The following ANKRD44 variants were observed in gnomAD, a reference collection of about 807,000 sequenced individuals.
ANKRD44 encodes the protein serine/threonine-protein phosphatase 6 regulatory ankyrin repeat subunit B.
ANKRD44 carries 35 observed loss-of-function variants against 116.0 expected under a neutral mutation model. That is an observed-to-expected ratio of 0.30 (90% confidence interval 0.23 to 0.40). ANKRD44 has a LOEUF of 0.40. Among genes scored for constraint, ANKRD44 ranks in the 10% least tolerant of loss-of-function variants. The pLI is 1.00. For synonymous variants in ANKRD44, 435 were observed against 461.8 expected, an observed-to-expected ratio of 0.94 and a Z score of 0.74; for missense variants, 1,014 against 1,242.6, an observed-to-expected ratio of 0.82 and a Z score of 2.77.
chr2:197,099,817 T>C lies in ANKRD44; in HGVS notation c.1099A>G (p.Lys367Glu). The C allele has an allele frequency of 6.2e-7, 1 of 1,613,926 alleles. No individual in the cohort carries two copies. Among genetic ancestry groups the C allele is most frequent in the Non-Finnish European group, 8.5e-7 (1 of 1,179,936 alleles). Residue 367 changes from lysine (K) to glutamate (E), a missense_variant and splice_region_variant, in exon 10 of 28, where the codon AAG becomes GAG. Lys to Glu is a moderately conservative substitution (Grantham distance 56). Coordinates refer to ENST00000282272, the MANE Select transcript of ANKRD44 (RefSeq NM_001195144.2). ...CACCGTATTTTTGCGGTAACCTACT[T>C]GGCTGTGTCAGCTCCGCTGGTTATT... Reference protein sequence around the residue: ...TLITSGADTAKCGIHSMFPLH... With the variant: ...TLITSGADTAECGIHSMFPLH...
rs936187348 is a variant in ANKRD44 at position 197,269,113 on chromosome 2, A to C, written c.27+41465T>G. On this transcript the variant is annotated intron_variant, in intron 1 of 27. Coordinates refer to ENST00000282272, the MANE Select transcript of ANKRD44 (RefSeq NM_001195144.2). ...TTTGTTTTTGATCTGGTTGCTACTC[A>C]TAGAGTGTATTCATGAAGATATATA... is the stretch of plus-strand genomic sequence containing the variant. Among the ~76,000 whole-genome samples the C allele has an allele frequency of 2.1e-5, 3 of 142,948 alleles. No individual in the cohort carries two copies. In the Admixed American group the frequency reaches 2.1e-4, roughly 10 times the overall value. 93.8% of individuals were successfully genotyped at this position (142,948 alleles called of 152,430 possible).
intron 1 of ANKRD44, among the ~76,000 whole-genome samples, chr2:197,272,940 A>G (rs1358901138): frequency 6.6e-6 from 1 of 152,260 alleles, no homozygotes; most frequent in Non-Finnish European, 1.5e-5. Flanking sequence ...TGGGTTATAA[A>G]TAACTATATA....
At chr2:197,232,191 T>C (rs1198647718) in intron 1 of ANKRD44, among the ~76,000 whole-genome samples, 1 of 152,188 alleles carries the variant, frequency 6.6e-6, no homozygotes, top group Non-Finnish European at 1.5e-5. Context: ...CCTTAGTAAG[T>C]GAGCTGATCA....
chr2:197,137,783 T>G (rs1259651438), intron 3 of ANKRD44, among the ~76,000 whole-genome samples: 1 of 152,232 alleles, frequency 6.6e-6, no homozygotes, highest in Non-Finnish European at 1.5e-5. Context: ...CTGTCAAAGT[T>G]GAGAGCCACT....
chr2:197,087,545 T>G (rs1269894669), intron 12 of ANKRD44, among the ~76,000 whole-genome samples: 1 of 152,208 alleles, frequency 6.6e-6, no homozygotes, highest in Non-Finnish European at 1.5e-5. Flanking sequence ...GTTCTAAACT[T>G]AGGATGCTAG....
intron 4 of ANKRD44, among the ~76,000 whole-genome samples, chr2:197,133,332 T>C (rs2079135763): frequency 6.6e-6 from 1 of 152,210 alleles, no homozygotes; most frequent in South Asian, 2.1e-4. Flanking sequence ...GCTTTTCCAC[T>C]GTAGACTCTG....
intron 2 of ANKRD44, among the ~76,000 whole-genome samples, chr2:197,151,656 A>G (rs2079655278): frequency 6.6e-6 from 1 of 152,238 alleles, no homozygotes; most frequent in South Asian, 2.1e-4. Flanking sequence ...CTAGACATAG[A>G]TATTTATTTA....
intron 1 of ANKRD44, among the ~76,000 whole-genome samples, chr2:197,273,960 CAAA>C (rs1158937486): frequency 6.0e-3 from 56 of 9,320 alleles, no homozygotes; most frequent in Admixed American, 7.7e-3. Flanking sequence ...CAACCAACCA[CAAA>C]AAAAAAAAAA....
At chr2:197,197,727 C>A (rs2080987011) in intron 1 of ANKRD44, among the ~76,000 whole-genome samples, 1 of 147,084 alleles carries the variant, frequency 6.8e-6, no homozygotes. Flanking sequence ...GGAGAACCAA[C>A]TGAGCCCAGG....
intron 3 of ANKRD44, among the ~76,000 whole-genome samples, chr2:197,138,231 C>A (rs1404714261): frequency 6.6e-6 from 1 of 152,220 alleles, no homozygotes; most frequent in Non-Finnish European, 1.5e-5. Context: ...CAAATCACCT[C>A]CAATGTCTCA....
intron 21 of ANKRD44, among the ~76,000 whole-genome samples, chr2:196,971,380 C>T (rs1033526689): frequency 5.3e-5 from 8 of 152,020 alleles, no homozygotes; most frequent in South Asian, 2.1e-4. Flanking sequence ...TTGTTTGAGA[C>T]GAGTCTCAGT....
intron 16 of ANKRD44, among the ~76,000 whole-genome samples, chr2:197,076,666 C>A (rs1232232033): frequency 1.3e-5 from 2 of 152,140 alleles, no homozygotes. Flanking sequence ...ACCCTCCACC[C>A]TTAAGTAGGC....
At chr2:197,015,645 T>G (rs1574279622) in intron 17 of ANKRD44, 2 of 558,670 alleles carry the variant, frequency 3.6e-6, no homozygotes, top group South Asian at 4.0e-5. Context: ...GTGAAGGTGG[T>G]GGCAGCAGAG....
intron 1 of ANKRD44, among the ~76,000 whole-genome samples, chr2:197,223,909 A>C (rs2081641180): frequency 6.6e-6 from 1 of 152,258 alleles, no homozygotes; most frequent in African/African-American, 2.4e-5. Flanking sequence ...ACAACTTTTA[A>C]GATATTTACT....
chr2:197,034,083 A>AGAGAGAGC (rs1410716481), intron 16 of ANKRD44, among the ~76,000 whole-genome samples: 2 of 151,732 alleles, frequency 1.3e-5, no homozygotes, highest in African/African-American at 2.4e-5. Flanking sequence ...AGAGAGAGAG[A>AGAGAGAGC]GAGCTCATAC....
intron 3 of ANKRD44, among the ~76,000 whole-genome samples, chr2:197,142,990 A>G (rs2079404610): frequency 1.3e-5 from 2 of 151,418 alleles, no homozygotes; most frequent in Admixed American, 1.3e-4. Context: ...GAAAAAAAAA[A>G]AAGTAAATTA....
intron 15 of ANKRD44, among the ~76,000 whole-genome samples, chr2:197,080,434 A>G (rs1183829373): frequency 1.3e-5 from 2 of 152,196 alleles, no homozygotes; most frequent in Non-Finnish European, 2.9e-5. Flanking sequence ...CCCTTTGCAT[A>G]GAAGAACTCT....
chr2:197,043,457 C>T (rs1406592536), intron 16 of ANKRD44, among the ~76,000 whole-genome samples: 1 of 152,168 alleles, frequency 6.6e-6, no homozygotes, highest in African/African-American at 2.4e-5. Flanking sequence ...ATCCTCCCAC[C>T]TCAGCCTCCC....
At chr2:197,243,672 T>C (rs2082134171) in intron 1 of ANKRD44, among the ~76,000 whole-genome samples, 1 of 152,214 alleles carries the variant, frequency 6.6e-6, no homozygotes, top group Admixed American at 6.5e-5. Context: ...AGATTTGATA[T>C]CTGGTGAAGG....
Sources: allele counts gnomAD v4.1 joint callset (sites outside exome capture counted in the v4.1 genomes callset), GRCh38; gene constraint gnomAD v4.1.1; transcripts MANE v1.5; gene names NCBI Gene and HGNC (gene_info 2026-07-23, HGNC 2026-07-21).